Variants in CCDC63 observed in about 807,000 individuals in gnomAD.
CCDC63 encodes coiled-coil domain-containing protein 63.
A neutral mutation model predicts 63.6 loss-of-function variants in CCDC63; 54 were observed. That is an observed-to-expected ratio of 0.85 (90% CI 0.68 to 1.07). The LOEUF (loss-of-function observed/expected upper bound fraction) is 1.07. Among genes scored for constraint, CCDC63 ranks in the 50% least tolerant of loss-of-function variants. The pLI is 0.00. For synonymous variants in CCDC63, 253 were observed against 266.1 expected (o/e 0.95, Z 0.48); for missense variants, 637 against 689.6 (o/e 0.92, Z 0.86).
At chr12:110,844,782 G>A (rs1365961147), upstream of CCDC63, among the ~76,000 whole-genome samples, 1 of 152,126 alleles carries the variant, frequency 6.6e-6, no homozygotes, top group Non-Finnish European at 1.5e-5. Context: ...TGAACAAATT[G>A]GGATTGGCTG....
rs76428659 is a variant in CCDC63, at chr12:110,888,972, G to A, written c.1075-4104G>A. Among the ~76,000 whole-genome samples, 32 of 151,958 alleles carry A rather than the reference G, an allele frequency of 2.1e-4. No homozygotes were observed. The East Asian group carries it at 4.5e-3, about 21-fold the overall frequency. On this transcript the variant is annotated intron_variant, in intron 8 of 11. Coordinates refer to ENST00000308208, the MANE Select transcript of CCDC63 (RefSeq NM_152591.3). ...CTCCAGCCTCAATCTCCCTGGCTCA[G>A]GTGATCGTCTCATCTCAGCCTCCAG... is the stretch of plus-strand genomic sequence containing the variant.
Position 110,881,119 on chromosome 12 carries a change from G to A in CCDC63, c.676G>A (p.Glu226Lys). ...CTCTGTACTCCCTTTGCCCAGGGTG[G>A]AGGCCATGGCTCGAATGGCTGCCAT... Reference protein sequence around the residue: ...QSSQAYEQRVEAMARMAAMKD... With the variant: ...QSSQAYEQRVKAMARMAAMKD... The change falls in exon 7 of 12, where the codon GAG becomes AAG. Residue 226 changes from glutamate (E) to lysine (K), a missense_variant. By Grantham distance (56) the Glu-to-Lys change is moderately conservative. Coordinates refer to ENST00000308208, the MANE Select transcript of CCDC63 (RefSeq NM_152591.3). 6.2e-7 allele frequency: 1 copy of A among 1,610,212 alleles called. No homozygotes were observed. The highest frequency in any genetic ancestry group is 8.5e-7 in the Non-Finnish European group (1 of 1,178,848).
intron 10 of CCDC63, among the ~76,000 whole-genome samples, chr12:110,900,880 G>A (rs1302020360): frequency 6.6e-6 from 1 of 152,188 alleles, no homozygotes; most frequent in African/African-American, 2.4e-5. Flanking sequence ...TTACAGGCGT[G>A]AGCCACTGCG....
intron 8 of CCDC63, among the ~76,000 whole-genome samples, chr12:110,884,768 C>A (rs1258558782): frequency 6.6e-6 from 1 of 151,970 alleles, no homozygotes; most frequent in Non-Finnish European, 1.5e-5. Context: ...TTCACTGCAA[C>A]CTCCACCTCC....
chr12:110,880,790 GAT>G (rs2136697577), intron 6 of CCDC63, among the ~76,000 whole-genome samples: 3 of 16,486 alleles, frequency 1.8e-4, no homozygotes, highest in Non-Finnish European at 2.7e-4. Flanking sequence ...TGGTGGTGAT[GAT>G]GATGGTGACA....
chr12:110,845,248 G>C (rs2070625286), upstream of CCDC63, among the ~76,000 whole-genome samples: 1 of 152,190 alleles, frequency 6.6e-6, no homozygotes, highest in African/African-American at 2.4e-5. Flanking sequence ...GTTGACACTT[G>C]AAATGTGTGA....
In CCDC63 at chr12:110,899,062, A is replaced by G; in HGVS notation, c.1279A>G (p.Lys427Glu). The stretch of plus-strand genomic sequence containing the variant: ...CAAGAAGATAAACTGTGACGCCACC[A>G]AGATCCTGGTGCAGTTAGGGGAGAC... ...LFKKINCDATKILVQLGETGK... is the reference protein window; with the variant it reads ...LFKKINCDATEILVQLGETGK... The change falls in exon 10 of 12, where the codon AAG becomes GAG. Residue 427 changes from lysine (K) to glutamate (E), a missense_variant. By Grantham distance (56) the Lys-to-Glu change is moderately conservative (BLOSUM62 1). Coordinates refer to ENST00000308208, the MANE Select transcript of CCDC63 (RefSeq NM_152591.3). 6.2e-7 allele frequency: 1 copy of G among 1,613,978 alleles called. No individual in the cohort carries two copies. Among genetic ancestry groups the G allele is most frequent in the Non-Finnish European group, 8.5e-7 (1 of 1,179,920 alleles).
chr12:110,859,734 A>G (rs1250485430), intron 4 of CCDC63, among the ~76,000 whole-genome samples: 3 of 152,134 alleles, frequency 2.0e-5, no homozygotes, highest in East Asian at 1.9e-4. Flanking sequence ...CCCATCCACA[A>G]AGGGGTCCGG....
chr12:110,849,078 T>A (rs1202605383), intron 1 of CCDC63, among the ~76,000 whole-genome samples: 1 of 152,192 alleles, frequency 6.6e-6, no homozygotes, highest in African/African-American at 2.4e-5. Flanking sequence ...CATCAGACAA[T>A]TCAGTTGGCC....
In CCDC63 at chr12:110,881,113, A is replaced by C; in HGVS notation, c.672-2A>C. On this transcript the variant is annotated splice_acceptor_variant, in intron 6 of 11. Transcript: ENST00000308208. LOFTEE classifies it high-confidence loss of function. Reference sequence around the variant, plus strand: ...CTCAGGCTCTGTACTCCCTTTGCCCAGGGTGGAGGCCATGGCTCGAATGGC... The same window carrying C: ...CTCAGGCTCTGTACTCCCTTTGCCCCGGGTGGAGGCCATGGCTCGAATGGC... 1 of 1,608,192 alleles carries C rather than the reference A, an allele frequency of 6.2e-7. No individual in the cohort carries two copies. Among genetic ancestry groups the C allele is most frequent in the Non-Finnish European group, 8.5e-7 (1 of 1,177,862 alleles).
At chr12:110,883,637 T>C (rs2071238353) in intron 7 of CCDC63, among the ~76,000 whole-genome samples, 1 of 151,786 alleles carries the variant, frequency 6.6e-6, no homozygotes, top group East Asian at 1.9e-4. Flanking sequence ...TTTTGTTTGC[T>C]TGTTTGTTTG....
chr12:110,904,872 C>G, intron 11 of CCDC63, 81 bp downstream of exon 11: 2 of 1,168,886 alleles, frequency 1.7e-6, no homozygotes. Flanking sequence ...TCCAGGTGCC[C>G]GAGAGGGTCT....
chr12:110,844,913 C>T (rs1042610587), upstream of CCDC63, among the ~76,000 whole-genome samples: 1 of 152,180 alleles, frequency 6.6e-6, no homozygotes, highest in African/African-American at 2.4e-5. Flanking sequence ...TTCTGGTCTG[C>T]GTCCAAATGC....
At chr12:110,896,632 G>A (rs1359815660) in intron 9 of CCDC63, among the ~76,000 whole-genome samples, 3 of 152,180 alleles carry the variant, frequency 2.0e-5, no homozygotes, top group African/African-American at 4.8e-5. Context: ...AATCAGGGAA[G>A]GAAATACCCT....
upstream of CCDC63, among the ~76,000 whole-genome samples, chr12:110,844,668 G>C (rs1745501622): frequency 1.3e-5 from 2 of 152,168 alleles, no homozygotes; most frequent in African/African-American, 4.8e-5. Context: ...AGGAGGTGAT[G>C]GGATGGCTGT....
At position 110,907,393 on chromosome 12, in the gene CCDC63, G is replaced by C. The variant is rs2071605085; in HGVS notation, c.1609G>C (p.Glu537Gln). The change falls in exon 12 of 12, where the codon GAG becomes CAG. Residue 537 changes from glutamate to glutamine, a missense_variant. By Grantham distance (29) the Glu-to-Gln change is conservative. Coordinates refer to ENST00000308208, the MANE Select transcript of CCDC63 (RefSeq NM_152591.3). The surrounding 1 kb of genome is among the most constrained non-coding windows in gnomAD (Gnocchi z 4.4). ...GGTTCTCGACAATTATATCCTGAAGGAGAATCGGAGTAAGGAAGTGCGCGG... is the reference window on the plus strand; with the variant it reads ...GGTTCTCGACAATTATATCCTGAAGCAGAATCGGAGTAAGGAAGTGCGCGG... ...QLVLDNYILK[E>Q]NRSKEVRGDS... 5.6e-6 allele frequency: 9 copies of C among 1,614,158 alleles called. No homozygotes were observed. Among genetic ancestry groups the C allele is most frequent in the Non-Finnish European group, 7.6e-6 (9 of 1,180,024 alleles).
At chr12:110,870,815 C>T (rs747445823) in intron 4 of CCDC63, among the ~76,000 whole-genome samples, 1 of 152,162 alleles carries the variant, frequency 6.6e-6, no homozygotes, top group African/African-American at 2.4e-5. Context: ...TGAGCACAAA[C>T]GAAACTCAAA....
intron 10 of CCDC63, 84 bp from the exon 11 acceptor site, chr12:110,904,504 C>T (rs912341868): frequency 8.5e-7 from 1 of 1,176,438 alleles, no homozygotes; most frequent in Non-Finnish European, 1.3e-6. Flanking sequence ...CTCCTCCCCG[C>T]CCTCTGCAGT....
chr12:110,861,726 ATTTT>A (rs68137795), intron 4 of CCDC63, among the ~76,000 whole-genome samples: 1 of 138,416 alleles, frequency 7.2e-6, no homozygotes, highest in East Asian at 2.1e-4. Context: ...TGCCTGGCTA[ATTTT>A]TTTTTTTTTT....
Sources: gnomAD v4.1 joint callset for allele counts (sites outside exome capture counted in the v4.1 genomes callset) on GRCh38, gnomAD v4.1.1 for gene constraint, Gnocchi (gnomAD v3.1) non-coding constraint, MANE v1.5 for transcripts, NCBI Gene and HGNC (gene_info 2026-07-23, HGNC 2026-07-21) for gene names.